ARHGAP15: variants seen among roughly 807,000 people sequenced by gnomAD.
ARHGAP15 encodes Rho GTPase activating protein 15, also known as rho GTPase-activating protein 15.
ARHGAP15 carries 51 observed loss-of-function variants against 63.7 expected under a neutral mutation model. The ratio of observed to expected loss-of-function variants is 0.80; its 90% CI spans 0.64 to 1.01. The LOEUF (loss-of-function observed/expected upper bound fraction) is 1.01, where lower values mean the gene tolerates loss of function less well. Among genes scored for constraint, ARHGAP15 ranks in the 50% least tolerant of loss-of-function variants. ARHGAP15 has a pLI of 0.00. For synonymous variants in ARHGAP15, 191 were observed against 193.8 expected, an observed-to-expected ratio of 0.99 and a Z score of 0.12; for missense variants, 560 against 564.6, an observed-to-expected ratio of 0.99 and a Z score of 0.08.
At chr2:143,519,507 T>G in intron 10 of ARHGAP15, 143 bp downstream of exon 10, 1 of 528,466 alleles carries the variant, frequency 1.9e-6, no homozygotes, top group Non-Finnish European at 3.4e-6. Flanking sequence ...AGGATCATCT[T>G]TCTTATTAAC....
chr2:143,315,024 T>A lies in ARHGAP15; in HGVS notation c.474+64424T>A, dbSNP rs535000012. On this transcript the variant is annotated intron_variant, in intron 6 of 13. Transcript: ENST00000295095. The stretch of plus-strand genomic sequence containing the variant: ...ACGTATCTTTATTTTTATGTATGTA[T>A]GTGGGTATCCACACATACATACATA... Among the ~76,000 whole-genome samples, 51 of 152,354 alleles carry A rather than the reference T, an allele frequency of 3.3e-4. 1 individual carries two copies. In the South Asian group the frequency reaches 7.9e-3, roughly 24 times the overall value.
intron 6 of ARHGAP15, among the ~76,000 whole-genome samples, chr2:143,405,932 T>A (rs761483215): frequency 5.9e-5 from 9 of 151,952 alleles, no homozygotes; most frequent in Non-Finnish European, 1.2e-4. Flanking sequence ...TGCTGCAAGA[T>A]CATATTTTAG....
At chr2:143,539,907 A>G (rs1057121777) in intron 10 of ARHGAP15, among the ~76,000 whole-genome samples, 1 of 152,014 alleles carries the variant, frequency 6.6e-6, no homozygotes, top group Non-Finnish European at 1.5e-5. Flanking sequence ...TGCTTGGTGC[A>G]GAGCTGAGTT....
At chr2:143,437,666 G>T (rs895859215) in intron 8 of ARHGAP15, among the ~76,000 whole-genome samples, 16 of 152,134 alleles carry the variant, frequency 1.1e-4, no homozygotes, top group South Asian at 2.1e-4. Context: ...TCAATGAAAA[G>T]GGGTTATTAA....
chr2:143,515,162 G>A (rs536706876), intron 9 of ARHGAP15, among the ~76,000 whole-genome samples: 1 of 151,634 alleles, frequency 6.6e-6, no homozygotes, highest in South Asian at 2.1e-4. Context: ...TAATCTCCTT[G>A]TGCTTCATCT....
chr2:143,760,760 T>G (rs1686735173), intron 13 of ARHGAP15, among the ~76,000 whole-genome samples: 1 of 152,182 alleles, frequency 6.6e-6, no homozygotes, highest in Non-Finnish European at 1.5e-5. Flanking sequence ...AAGCTAATTT[T>G]TTGCTTTTAT....
intron 6 of ARHGAP15, among the ~76,000 whole-genome samples, chr2:143,295,925 T>C (rs1394064301): frequency 6.6e-6 from 1 of 151,966 alleles, no homozygotes; most frequent in Non-Finnish European, 1.5e-5. Context: ...AAATGTCACC[T>C]TCTACTCATT....
intron 5 of ARHGAP15, among the ~76,000 whole-genome samples, chr2:143,230,140 G>T (rs1574123270): frequency 6.6e-6 from 1 of 152,288 alleles, no homozygotes; most frequent in East Asian, 1.9e-4. Context: ...TAAGGGGGAA[G>T]TCAGGAGGGG....
chr2:143,622,781 TAAAAAAAAAAA>T (rs34925907), intron 11 of ARHGAP15, among the ~76,000 whole-genome samples: 3 of 109,040 alleles, frequency 2.8e-5, no homozygotes, highest in African/African-American at 7.0e-5. Context: ...TTCATTTATT[TAAAAAAAAAAA>T]AAAAAAAAAA....
chr2:143,600,153 C>G (rs1462207388), intron 11 of ARHGAP15, among the ~76,000 whole-genome samples: 1 of 152,118 alleles, frequency 6.6e-6, no homozygotes, highest in Non-Finnish European at 1.5e-5. Context: ...GCTATATTTT[C>G]AAAATTGACA....
Position 143,707,245 on chromosome 2 carries a change from G to A in ARHGAP15, c.1244+3721G>A, listed in dbSNP as rs2381506. 2.5e-3 allele frequency among the ~76,000 whole-genome samples: 385 copies of A among 152,186 alleles called. 1 individual carries two copies. Among genetic ancestry groups the A allele is most frequent in the Non-Finnish European group, 4.1e-3 (276 of 68,010 alleles). On this transcript the variant is annotated intron_variant, in intron 13 of 13. Coordinates refer to ENST00000295095, the MANE Select transcript of ARHGAP15 (RefSeq NM_018460.4). ...TGATGGACGTCAAAAGGAAAGAAAT[G>A]GCCAAAATCTTGAGATTTTTCAAAG...
rs1558898061 is a variant in ARHGAP15, at chr2:143,330,130, AACCAAAAAC to A, written c.474+79532_474+79540del. On this transcript the variant is annotated intron_variant, in intron 6 of 13. Coordinates refer to ENST00000295095, the MANE Select transcript of ARHGAP15 (RefSeq NM_018460.4). Reference sequence around the variant, plus strand: ...AAAAAAAAAAAAAAAAAAAAAAAAAAACCAAAAACAAAAAACTAAACTAATGATTAATAA... The same window carrying A: ...AAAAAAAAAAAAAAAAAAAAAAAAAAAAAAAACTAAACTAATGATTAATAA... 4.8e-5 allele frequency among the ~76,000 whole-genome samples: 4 copies of A among 83,524 alleles called. 1 individual carries two copies. The highest frequency in any genetic ancestry group is 1.9e-4 in the African/African-American group (4 of 21,298). The allele number at this position is 83,524 out of a possible 152,430, so 54.8% of individuals were successfully genotyped here. A position where few individuals can be genotyped will look rare whatever the true frequency, so the allele number is the denominator to read the frequency against.
chr2:143,266,574 G>C (rs1344486627), intron 6 of ARHGAP15, among the ~76,000 whole-genome samples: 1 of 152,056 alleles, frequency 6.6e-6, no homozygotes, highest in Non-Finnish European at 1.5e-5. Context: ...TGTTCACTTA[G>C]CATATTTAAG....
At chr2:143,747,605 G>C (rs975522789) in intron 13 of ARHGAP15, among the ~76,000 whole-genome samples, 8 of 152,116 alleles carry the variant, frequency 5.3e-5, no homozygotes, top group African/African-American at 1.9e-4. Flanking sequence ...GCCTTTTCCA[G>C]GATGTCAGGT....
In ARHGAP15 at chr2:143,703,595, T is replaced by C. The variant is rs947258046; in HGVS notation, c.1244+71T>C. Reference sequence around the variant, plus strand: ...TAAATGGGCAATATTGAATTTCACATCTCTAAGGCAAGAGTTTCCAAATGC... The same window carrying C: ...TAAATGGGCAATATTGAATTTCACACCTCTAAGGCAAGAGTTTCCAAATGC... On this transcript the variant is annotated intron_variant, in intron 13 of 13. Coordinates refer to ENST00000295095, the MANE Select transcript of ARHGAP15 (RefSeq NM_018460.4). 7 of 1,245,960 alleles carry C rather than the reference T, an allele frequency of 5.6e-6. No homozygotes were observed. The African/African-American group carries it at 9.2e-5, about 16-fold the overall frequency. 77.2% of individuals were successfully genotyped at this position (1,245,960 alleles called of 1,614,324 possible).
At chr2:143,507,316 A>AC (rs1693365644) in intron 9 of ARHGAP15, among the ~76,000 whole-genome samples, 1 of 152,004 alleles carries the variant, frequency 6.6e-6, no homozygotes, top group Non-Finnish European at 1.5e-5. Flanking sequence ...ATTTTACTGA[A>AC]CTCCGTACTT....
chr2:143,668,989 T>C (rs1251504576), intron 12 of ARHGAP15, among the ~76,000 whole-genome samples: 2 of 152,188 alleles, frequency 1.3e-5, no homozygotes, highest in African/African-American at 4.8e-5. Flanking sequence ...ATTTTAATTG[T>C]TTTTTAACAT....
intron 8 of ARHGAP15, among the ~76,000 whole-genome samples, chr2:143,438,119 C>T (rs1417748434): frequency 1.3e-5 from 2 of 152,036 alleles, no homozygotes; most frequent in Non-Finnish European, 2.9e-5. Flanking sequence ...CCTGGCTGAC[C>T]CCAATCTTGC....
Position 143,155,697 on chromosome 2 carries a change from A to G in ARHGAP15, c.165+42A>G. ...AAATATCCCAAGTTCCTTGTCATAC[A>G]GAATTTTGTAAAAGGAAAAAAAAAA... On this transcript the variant is annotated intron_variant, in intron 2 of 13. Transcript: ENST00000295095. 3 of 1,494,570 alleles carry G rather than the reference A, an allele frequency of 2.0e-6. No individual in the cohort carries two copies. In the South Asian group the frequency reaches 4.2e-5, roughly 21 times the overall value. 92.6% of individuals were successfully genotyped at this position (1,494,570 alleles called of 1,614,324 possible).
Sources: allele counts gnomAD v4.1 joint callset (sites outside exome capture counted in the v4.1 genomes callset), GRCh38; gene constraint gnomAD v4.1.1; transcripts MANE v1.5; gene names NCBI Gene and HGNC (gene_info 2026-07-23, HGNC 2026-07-21).